CDK6: variants seen among roughly 807,000 people sequenced by gnomAD.
CDK6 encodes cyclin dependent kinase 6, also known as cyclin-dependent kinase 6.
CDK6 carries 6 observed loss-of-function variants against 37.1 expected under a neutral mutation model. That is an observed-to-expected ratio of 0.16 (90% CI 0.09 to 0.32). The LOEUF (loss-of-function observed/expected upper bound fraction) is 0.32. CDK6 is among the 10% of genes least tolerant of loss of function. The pLI is 1.00. For missense variants in CDK6, 224 were observed against 418.9 expected, an observed-to-expected ratio of 0.53 and a Z score of 4.06; for synonymous variants, 160 against 161.3, an observed-to-expected ratio of 0.99 and a Z score of 0.06.
intron 5 of CDK6, among the ~76,000 whole-genome samples, chr7:92,659,618 ACACACACACACACACAC>A (rs1796790361): frequency 1.3e-5 from 2 of 149,658 alleles, no homozygotes; most frequent in Non-Finnish European, 2.9e-5. Context: ...ACACACACAC[ACACACACACACACACAC>A]CACACACACA....
intron 3 of CDK6, among the ~76,000 whole-genome samples, chr7:92,753,666 G>A (rs1209839717): frequency 1.3e-5 from 2 of 151,764 alleles, no homozygotes; most frequent in Admixed American, 1.3e-4. Flanking sequence ...CTAGTAAGAA[G>A]ACTACCTTTT....
chr7:92,661,548 G>A (rs1178097189), intron 5 of CDK6, among the ~76,000 whole-genome samples: 3 of 152,108 alleles, frequency 2.0e-5, no homozygotes, highest in African/African-American at 7.2e-5. Flanking sequence ...AATAAAGTAA[G>A]CAGAGAAAGG....
chr7:92,809,520 G>T (rs1376624278), intron 2 of CDK6, among the ~76,000 whole-genome samples: 1 of 152,166 alleles, frequency 6.6e-6, no homozygotes, highest in Non-Finnish European at 1.5e-5. Context: ...CAGTGCAACT[G>T]AAGTTTGAAC....
chr7:92,724,718 T>A (rs1798467610), intron 4 of CDK6, among the ~76,000 whole-genome samples: 1 of 152,196 alleles, frequency 6.6e-6, no homozygotes, highest in Admixed American at 6.5e-5. Flanking sequence ...AGATGGACAA[T>A]ACGGATTATT....
At chr7:92,719,985 G>T (rs916293118) in intron 4 of CDK6, among the ~76,000 whole-genome samples, 1 of 152,126 alleles carries the variant, frequency 6.6e-6, no homozygotes. Flanking sequence ...TTAAGGGAGA[G>T]GACACAGATA....
rs141737691 is a variant in CDK6, at chr7:92,825,474, A to C, written c.233+7617T>G. Among the ~76,000 whole-genome samples, 964 of 152,126 alleles carry C rather than the reference A, an allele frequency of 6.3e-3. 15 individuals carry two copies. Among genetic ancestry groups the C allele is most frequent in the African/African-American group, 0.021 (855 of 41,520 alleles). ...TGCACATGCGTGCACACACACACACACACACACACACCCCAACCATATGTG... is the reference window on the plus strand; with the variant it reads ...TGCACATGCGTGCACACACACACACCCACACACACACCCCAACCATATGTG... On this transcript the variant is annotated intron_variant, in intron 2 of 7. Transcript: ENST00000424848.
At chr7:92,681,275 C>T (rs1797330013) in intron 4 of CDK6, among the ~76,000 whole-genome samples, 1 of 152,072 alleles carries the variant, frequency 6.6e-6, no homozygotes, top group South Asian at 2.1e-4. Context: ...GGTGTTCCCT[C>T]CAAGTAGAGA....
intron 4 of CDK6, among the ~76,000 whole-genome samples, chr7:92,713,481 T>A (rs570766321): frequency 2.0e-5 from 3 of 152,090 alleles, no homozygotes; most frequent in Non-Finnish European, 4.4e-5. Context: ...TACAACTCCA[T>A]TAAAAATGTT....
At chr7:92,808,683 T>C (rs563198656) in intron 2 of CDK6, among the ~76,000 whole-genome samples, 1 of 152,322 alleles carries the variant, frequency 6.6e-6, no homozygotes, top group Admixed American at 6.5e-5. Flanking sequence ...GGAATGAAAT[T>C]CTTCATGTGA....
chr7:92,808,745 C>T (rs1040305534), intron 2 of CDK6, among the ~76,000 whole-genome samples: 1 of 152,006 alleles, frequency 6.6e-6, no homozygotes, highest in African/African-American at 2.4e-5. Context: ...AGAACATAAC[C>T]CATTTTCAGC....
chr7:92,692,801 A>C lies in CDK6; in HGVS notation c.538-21266T>G, dbSNP rs76905554. 5.8e-3 allele frequency among the ~76,000 whole-genome samples: 883 copies of C among 152,310 alleles called. 7 individuals carry two copies. Among genetic ancestry groups the C allele is most frequent in the African/African-American group, 0.02 (844 of 41,562 alleles). ...AGACTGTGTCTCAAAAATAAAAAAC[A>C]AAAAACAAAAACAACTACCTTAGGA... On this transcript the variant is annotated intron_variant, in intron 4 of 7. Coordinates refer to ENST00000424848, the MANE Select transcript of CDK6 (RefSeq NM_001145306.2).
At chr7:92,629,333 G>T (rs192889436) in intron 5 of CDK6, among the ~76,000 whole-genome samples, 1 of 151,980 alleles carries the variant, frequency 6.6e-6, no homozygotes, top group Non-Finnish European at 1.5e-5. Context: ...CCTTGTTACC[G>T]ATGTGAATAA....
intron 5 of CDK6, among the ~76,000 whole-genome samples, chr7:92,637,188 C>CGTTT: frequency 6.6e-6 from 1 of 152,118 alleles, no homozygotes; most frequent in African/African-American, 2.4e-5. Context: ...TTTTACAGAC[C>CGTTT]TACGGGTTAA....
intron 3 of CDK6, among the ~76,000 whole-genome samples, chr7:92,757,505 T>C (rs765866012): frequency 1.1e-4 from 17 of 152,352 alleles, no homozygotes; most frequent in Non-Finnish European, 2.4e-4. Context: ...TATGGCTGCA[T>C]AGTATTCCAT....
intron 3 of CDK6, among the ~76,000 whole-genome samples, chr7:92,729,816 T>C (rs1798601343): frequency 6.6e-6 from 1 of 152,152 alleles, no homozygotes; most frequent in Non-Finnish European, 1.5e-5. Flanking sequence ...GGTGCCATCA[T>C]ATCATAGCTC....
chr7:92,617,730 A>G (rs1418762585), intron 7 of CDK6, among the ~76,000 whole-genome samples: 1 of 152,226 alleles, frequency 6.6e-6, no homozygotes, highest in East Asian at 1.9e-4. Context: ...AAATTACTTA[A>G]AGTAGCATGA....
At chr7:92,760,680 G>C (rs544466883) in intron 3 of CDK6, among the ~76,000 whole-genome samples, 1 of 152,114 alleles carries the variant, frequency 6.6e-6, no homozygotes, top group South Asian at 2.1e-4. Flanking sequence ...TAAATTATAA[G>C]GAACCCATAA....
chr7:92,774,762 G>A lies in CDK6; in HGVS notation c.303C>T (p.Val101=), dbSNP rs746094055. ...CCAAGTAAGTGGTCAAGTCTTGATC[G>A]ACATGTTCAAACACTAAAGTTAGTT... ...ETKLTLVFEH[V]DQDLTTYLDK... Residue 101 remains valine, a synonymous_variant, in exon 3 of 8, where the codon GTC becomes GTT. Transcript: ENST00000424848. 55 of 1,612,572 alleles carry A rather than the reference G, an allele frequency of 3.4e-5. No homozygotes were observed. The highest frequency in any genetic ancestry group is 6.7e-5 in the Admixed American group (4 of 59,802).
At chr7:92,789,003 G>C (rs954944882) in intron 2 of CDK6, among the ~76,000 whole-genome samples, 2 of 151,900 alleles carry the variant, frequency 1.3e-5, no homozygotes, top group Non-Finnish European at 2.9e-5. Context: ...GCACATGCTT[G>C]TAGTCCTAGC....
Sources: gnomAD v4.1 joint callset for allele counts (sites outside exome capture counted in the v4.1 genomes callset) on GRCh38, gnomAD v4.1.1 for gene constraint, MANE v1.5 for transcripts, NCBI Gene and HGNC (gene_info 2026-07-23, HGNC 2026-07-21) for gene names.